The following DPP10 variants were observed in gnomAD, a reference collection of about 807,000 sequenced individuals.
DPP10 encodes the protein dipeptidyl peptidase like 10.
DPP10 carries 33 observed loss-of-function variants against 120.9 expected under a neutral mutation model. The ratio of observed to expected loss-of-function variants is 0.27; its 90% CI spans 0.21 to 0.37. DPP10 has a LOEUF of 0.37. Ranked by LOEUF, DPP10 falls within the 10% of genes least tolerant of loss-of-function variation. The probability of loss-of-function intolerance (pLI) is 1.00; values close to 1 mark genes in which losing one functional copy is unlikely to be tolerated. For missense variants in DPP10, 816 were observed against 942.8 expected (o/e 0.87, Z 1.76); for synonymous variants, 337 against 326.1 (o/e 1.03, Z -0.36).
chr2:114,647,136 G>A (rs575070599), intron 1 of DPP10, among the ~76,000 whole-genome samples: 39 of 152,184 alleles, frequency 2.6e-4, no homozygotes, highest in Non-Finnish European at 4.9e-4. Flanking sequence ...AGCTGAACAC[G>A]TTTCCAAATT....
At chr2:115,071,498 G>A (rs997061575) in intron 1 of DPP10, among the ~76,000 whole-genome samples, 2 of 152,150 alleles carry the variant, frequency 1.3e-5, no homozygotes, top group African/African-American at 4.8e-5. Context: ...TTATATATCA[G>A]GGAAGGAATT....
At chr2:115,555,593 T>G (rs2080160540) in intron 5 of DPP10, among the ~76,000 whole-genome samples, 1 of 152,128 alleles carries the variant, frequency 6.6e-6, no homozygotes, top group Non-Finnish European at 1.5e-5. Context: ...AAAACTAATG[T>G]GATACTTGTA....
At chr2:115,216,178 A>C (rs1275704908) in intron 1 of DPP10, among the ~76,000 whole-genome samples, 1 of 152,250 alleles carries the variant, frequency 6.6e-6, no homozygotes, top group African/African-American at 2.4e-5. Context: ...GGAAAGAGGG[A>C]GAAAAAATTA....
intron 1 of DPP10, among the ~76,000 whole-genome samples, chr2:114,881,305 G>A (rs1229468369): frequency 2.0e-5 from 3 of 151,924 alleles, no homozygotes; most frequent in Non-Finnish European, 4.4e-5. Flanking sequence ...GATATCTTAG[G>A]TTTCCTCAGA....
chr2:114,826,167 G>A (rs906709808), intron 1 of DPP10, among the ~76,000 whole-genome samples: 54 of 152,280 alleles, frequency 3.5e-4, no homozygotes, highest in African/African-American at 1.1e-3. Flanking sequence ...AGAGTAAAAT[G>A]TATGCCCTGG....
intron 3 of DPP10, among the ~76,000 whole-genome samples, chr2:115,372,660 T>A (rs2106407874): frequency 1.3e-5 from 2 of 152,302 alleles, no homozygotes; most frequent in Middle Eastern, 6.8e-3. Flanking sequence ...AGAAAAAGAT[T>A]CTTAATGAAC....
chr2:115,244,216 G>GTA (rs377701662), intron 1 of DPP10, among the ~76,000 whole-genome samples: 2,088 of 119,448 alleles, frequency 0.017, 17 homozygotes, highest in East Asian at 0.025. Flanking sequence ...ATATGTGTGT[G>GTA]TATATATATA....
At chr2:114,529,434 G>A (rs1012171302) in intron 1 of DPP10, among the ~76,000 whole-genome samples, 2 of 152,024 alleles carry the variant, frequency 1.3e-5, no homozygotes, top group African/African-American at 4.8e-5. Context: ...TCTTAATATT[G>A]ACAGAAATAG....
intron 1 of DPP10, among the ~76,000 whole-genome samples, chr2:114,692,646 G>A (rs1406434504): frequency 6.6e-6 from 1 of 152,050 alleles, no homozygotes; most frequent in Non-Finnish European, 1.5e-5. Context: ...TTAGTTTTCT[G>A]TCTCAATGAT....
At chr2:115,147,982 G>C (rs1339047055) in intron 1 of DPP10, among the ~76,000 whole-genome samples, 1 of 152,062 alleles carries the variant, frequency 6.6e-6, no homozygotes. Flanking sequence ...GTCAAGGTAG[G>C]TGCTGTATAA....
intron 3 of DPP10, among the ~76,000 whole-genome samples, chr2:115,489,499 G>C (rs2075979266): frequency 6.6e-6 from 1 of 151,472 alleles, no homozygotes; most frequent in Admixed American, 6.6e-5. Flanking sequence ...TTAAAATAGA[G>C]ATCACAAGAA....
chr2:115,121,106 A>C (rs1394173310), intron 1 of DPP10, among the ~76,000 whole-genome samples: 1 of 152,204 alleles, frequency 6.6e-6, no homozygotes, highest in Non-Finnish European at 1.5e-5. Context: ...GTTGAAGTTA[A>C]AGATTTAGGT....
chr2:114,731,371 T>A (rs1454934728), intron 1 of DPP10, among the ~76,000 whole-genome samples: 1 of 152,098 alleles, frequency 6.6e-6, no homozygotes, highest in Non-Finnish European at 1.5e-5. Flanking sequence ...CTAATAATAG[T>A]GTCATATTTT....
At chr2:114,512,577 A>C (rs559654182) in intron 1 of DPP10, among the ~76,000 whole-genome samples, 1 of 152,330 alleles carries the variant, frequency 6.6e-6, no homozygotes, top group East Asian at 1.9e-4. Flanking sequence ...GAAAGTGCTA[A>C]ATACCGCAGG....
chr2:115,012,034 C>T (rs1345242202), intron 1 of DPP10, among the ~76,000 whole-genome samples: 1 of 151,996 alleles, frequency 6.6e-6, no homozygotes, highest in African/African-American at 2.4e-5. Context: ...TCCCTGGCAA[C>T]CTGGATGAGT....
At chr2:114,672,958 G>A (rs910863608) in intron 1 of DPP10, among the ~76,000 whole-genome samples, 7 of 152,230 alleles carry the variant, frequency 4.6e-5, no homozygotes, top group Admixed American at 2.6e-4. Flanking sequence ...TCTCCCCCAT[G>A]TTCTAAGGCC....
intron 12 of DPP10, among the ~76,000 whole-genome samples, chr2:115,766,746 C>T (rs552569324): frequency 5.3e-5 from 8 of 152,116 alleles, no homozygotes; most frequent in South Asian, 2.1e-4. Context: ...CCAGTCATGG[C>T]GGAAGGCAAA....
chr2:114,916,592 C>T (rs1694821659), intron 1 of DPP10, among the ~76,000 whole-genome samples: 2 of 152,108 alleles, frequency 1.3e-5, no homozygotes, highest in South Asian at 4.1e-4. Context: ...ACAAGAAAAT[C>T]AACTGGAGCA....
At chr2:115,718,798 G>A (rs956062922) in intron 7 of DPP10, among the ~76,000 whole-genome samples, 1 of 152,024 alleles carries the variant, frequency 6.6e-6, no homozygotes, top group African/African-American at 2.4e-5. Flanking sequence ...ATGATAATGG[G>A]CTCGAAGAAG....
Sources: gnomAD v4.1 joint callset for allele counts (sites outside exome capture counted in the v4.1 genomes callset) on GRCh38, gnomAD v4.1.1 for gene constraint, MANE v1.5 for transcripts, NCBI Gene and HGNC (gene_info 2026-07-23, HGNC 2026-07-21) for gene names.